UNC5B: variants seen among roughly 807,000 people sequenced by gnomAD.
UNC5B encodes netrin receptor UNC5B.
In UNC5B, 56 loss-of-function variants were observed where a neutral mutation model predicts 103.7. The observed-to-expected ratio is 0.54, with a 90% CI of 0.44 to 0.67. The LOEUF is 0.67. Ranked by LOEUF, UNC5B falls within the 30% of genes least tolerant of loss-of-function variation. The pLI is 0.00. For missense variants in UNC5B, 1,194 were observed against 1,284.5 expected (o/e 0.93, Z 1.08); for synonymous variants, 577 against 542.0 (o/e 1.06, Z -0.90).
In UNC5B at chr10:71,301,840, G is replaced by A. The variant is rs954112293; in HGVS notation, c.*2563G>A. On this transcript the variant is annotated 3_prime_UTR_variant, in exon 17 of 17. Coordinates refer to ENST00000335350, the MANE Select transcript of UNC5B (RefSeq NM_170744.5). Reference sequence around the variant, plus strand: ...TTCAGACACACTGTTCTAGGCTTCTGTAGGGGACCTTGTGATCTGCCGTGC... The same window carrying A: ...TTCAGACACACTGTTCTAGGCTTCTATAGGGGACCTTGTGATCTGCCGTGC... 1 of 152,224 alleles carries A rather than the reference G, an allele frequency of 6.6e-6. No individual in the cohort carries two copies. Among genetic ancestry groups the A allele is most frequent in the Non-Finnish European group, 1.5e-5 (1 of 68,056 alleles). 9.4% of individuals were successfully genotyped at this position (152,224 alleles called of 1,614,324 possible). A position where few individuals can be genotyped will look rare whatever the true frequency, so the allele number is the denominator to read the frequency against.
At chr10:71,273,488 C>G (rs1029781179) in intron 1 of UNC5B, among the ~76,000 whole-genome samples, 2 of 152,344 alleles carry the variant, frequency 1.3e-5, no homozygotes, top group Admixed American at 1.3e-4. Context: ...GGAGCCACCC[C>G]CTCCTCTGAG....
In UNC5B at chr10:71,213,562, A is replaced by T. The variant is rs970222240; in HGVS notation, c.79+498A>T. On this transcript the variant is annotated intron_variant, in intron 1 of 16. Transcript: ENST00000335350. The surrounding 1 kb of genome is among the most constrained non-coding windows in gnomAD (Gnocchi z 4.1). ...GAGAGCGAAAAGACCTGCTGAACAC[A>T]GGAAGCGCTTCGGTAGCCTCGGCAG... 1.2e-4 allele frequency among the ~76,000 whole-genome samples: 19 copies of T among 152,210 alleles called. No homozygotes were observed. The highest frequency in any genetic ancestry group is 2.0e-4 in the Admixed American group (3 of 15,302).
At position 71,260,874 on chromosome 10, in the gene UNC5B, C is replaced by T. The variant is rs142480539; in HGVS notation, c.80-18947C>T. ...CCCAGCCAAGAGGCCCAGGAAGGGG[C>T]GGGCAGGCAGCTGGGAGCCCTGCGG... On this transcript the variant is annotated intron_variant, in intron 1 of 16. Coordinates refer to ENST00000335350, the MANE Select transcript of UNC5B (RefSeq NM_170744.5). 1.1e-4 allele frequency among the ~76,000 whole-genome samples: 16 copies of T among 152,322 alleles called. No homozygotes were observed. In the East Asian group the frequency reaches 2.3e-3, roughly 22 times the overall value.
At chr10:71,252,565 A>T (rs80226386) in intron 1 of UNC5B, among the ~76,000 whole-genome samples, 221 of 152,320 alleles carry the variant, frequency 1.5e-3, no homozygotes, top group African/African-American at 4.9e-3. Flanking sequence ...GCAGTTTTTC[A>T]GCTTTTATTA....
At chr10:71,223,811 G>A (rs1843498111) in intron 1 of UNC5B, among the ~76,000 whole-genome samples, 1 of 151,242 alleles carries the variant, frequency 6.6e-6, no homozygotes, top group Non-Finnish European at 1.5e-5. Flanking sequence ...ATGGACAACT[G>A]GCCGTGAGGC....
chr10:71,231,620 A>G (rs1589153831), intron 1 of UNC5B, among the ~76,000 whole-genome samples: 1 of 151,548 alleles, frequency 6.6e-6, no homozygotes, highest in Non-Finnish European at 1.5e-5. Context: ...CAAACGAAAA[A>G]CCACAATCGT....
chr10:71,224,364 G>C (rs867209781), intron 1 of UNC5B, among the ~76,000 whole-genome samples: 27 of 97,298 alleles, frequency 2.8e-4, no homozygotes, highest in Admixed American at 4.2e-4. Context: ...TCTGTATGTA[G>C]ACACACACAC....
At chr10:71,236,461 G>A (rs1179597555) in intron 1 of UNC5B, among the ~76,000 whole-genome samples, 9 of 152,266 alleles carry the variant, frequency 5.9e-5, no homozygotes, top group South Asian at 2.1e-4. Flanking sequence ...GGTGTGGGCC[G>A]GATTCCTGAG....
At chr10:71,266,418 C>T (rs958271596) in intron 1 of UNC5B, among the ~76,000 whole-genome samples, 2 of 152,194 alleles carry the variant, frequency 1.3e-5, no homozygotes, top group African/African-American at 4.8e-5. Context: ...TGCACCCTTC[C>T]TCTGCTGCTC....
chr10:71,224,499 A>T (rs1843522783), intron 1 of UNC5B, among the ~76,000 whole-genome samples: 1 of 152,026 alleles, frequency 6.6e-6, no homozygotes, highest in Non-Finnish European at 1.5e-5. Context: ...AAAAAACTGG[A>T]TTCTAATCCT....
At chr10:71,289,968 G>A (rs1475621654) in intron 8 of UNC5B, among the ~76,000 whole-genome samples, 1 of 152,232 alleles carries the variant, frequency 6.6e-6, no homozygotes, top group African/African-American at 2.4e-5. Context: ...CCCCAGGGAG[G>A]AAGTGCGTGG....
chr10:71,226,884 A>C (rs1033249228), intron 1 of UNC5B, among the ~76,000 whole-genome samples: 1 of 152,214 alleles, frequency 6.6e-6, no homozygotes, highest in African/African-American at 2.4e-5. Flanking sequence ...TTTTCAGATG[A>C]GATAGATAGA....
intron 1 of UNC5B, among the ~76,000 whole-genome samples, chr10:71,233,424 T>G (rs9732438): frequency 0.3 from 46,288 of 152,050 alleles, 7,270 homozygotes; most frequent in East Asian, 0.37. Context: ...TTGCCCAGAA[T>G]AACAGCCCGG....
chr10:71,285,216 C>T (rs909971826), intron 3 of UNC5B, 110 bp from the exon 4 acceptor site: 10 of 1,133,034 alleles, frequency 8.8e-6, no homozygotes, highest in Non-Finnish European at 1.3e-5. Flanking sequence ...CCAGGTGGGC[C>T]CATCAACAGT....
intron 8 of UNC5B, 118 bp downstream of exon 8, chr10:71,289,108 C>T (rs1305944665): frequency 2.2e-6 from 3 of 1,361,208 alleles, no homozygotes; most frequent in South Asian, 2.5e-5. Context: ...ACCCACCCCC[C>T]ACGGGATCAT....
At chr10:71,284,577 T>C in intron 2 of UNC5B, 143 bp from the exon 3 acceptor site, 1 of 1,225,726 alleles carries the variant, frequency 8.2e-7, no homozygotes. Context: ...TGAGCCAGGG[T>C]GGAGACAGGA....
intron 1 of UNC5B, among the ~76,000 whole-genome samples, chr10:71,228,666 T>C (rs1843620348): frequency 6.6e-6 from 1 of 152,244 alleles, no homozygotes; most frequent in Admixed American, 6.5e-5. Flanking sequence ...ATACCATTTC[T>C]CATTTACCAG....
intron 1 of UNC5B, among the ~76,000 whole-genome samples, chr10:71,262,075 C>T (rs377613292): frequency 5.5e-4 from 84 of 152,230 alleles, no homozygotes; most frequent in African/African-American, 1.4e-3. Context: ...TCAACTCTCC[C>T]GAGACCGCAG....
intron 2 of UNC5B, among the ~76,000 whole-genome samples, chr10:71,281,219 A>G (rs1480647592): frequency 6.6e-6 from 1 of 152,226 alleles, no homozygotes; most frequent in African/African-American, 2.4e-5. Flanking sequence ...ACTGAACCAT[A>G]TGCTTACAAA....
Sources: gnomAD v4.1 joint callset for allele counts (sites outside exome capture counted in the v4.1 genomes callset) on GRCh38, gnomAD v4.1.1 for gene constraint, Gnocchi (gnomAD v3.1) non-coding constraint, MANE v1.5 for transcripts, NCBI Gene and HGNC (gene_info 2026-07-23, HGNC 2026-07-21) for gene names.